The following CFAP299 variants were observed in gnomAD, a reference collection of about 807,000 sequenced individuals.
The protein encoded by CFAP299 is cilia and flagella associated protein 299, also known as cilia- and flagella-associated protein 299.
Under a neutral mutation model 27.0 loss-of-function variants are expected in CFAP299, and 21 were observed. The observed-to-expected ratio is 0.78, with a 90% CI of 0.55 to 1.12. CFAP299 has a LOEUF of 1.12. CFAP299 is among the 50% of genes most tolerant of loss of function. CFAP299 has a pLI of 0.00. For synonymous variants in CFAP299, 104 were observed against 98.1 expected, an observed-to-expected ratio of 1.06 and a Z score of -0.36; for missense variants, 310 against 276.6, an observed-to-expected ratio of 1.12 and a Z score of -0.86.
At chr4:80,601,996 C>T (rs774537563) in intron 3 of CFAP299, among the ~76,000 whole-genome samples, 12 of 152,140 alleles carry the variant, frequency 7.9e-5, no homozygotes, top group African/African-American at 1.7e-4. Context: ...CACTTATAAG[C>T]GGGAGCTAAA....
chr4:80,758,188 G>A (rs978079116), intron 3 of CFAP299, among the ~76,000 whole-genome samples: 7 of 152,288 alleles, frequency 4.6e-5, no homozygotes, highest in Non-Finnish European at 8.8e-5. Context: ...CAAATGAATC[G>A]AAGATGGTAA....
chr4:80,944,790 A>G lies in CFAP299; in HGVS notation c.477-20A>G. On this transcript the variant is annotated intron_variant, in intron 4 of 5. Transcript: ENST00000358105. ...AATGCATTATACATCTTAATTCCTA[A>G]TAAATGTTTATTTTTATAGCTTTTA... 6.4e-7 allele frequency: 1 copy of G among 1,558,632 alleles called. No homozygotes were observed. Among genetic ancestry groups the G allele is most frequent in the Non-Finnish European group, 8.7e-7 (1 of 1,143,648 alleles).
chr4:80,468,182 T>C (rs1409519949), intron 2 of CFAP299, among the ~76,000 whole-genome samples: 2 of 152,154 alleles, frequency 1.3e-5, no homozygotes, highest in Non-Finnish European at 2.9e-5. Flanking sequence ...TAAAGTAAGA[T>C]TGAGCAAAGA....
intron 2 of CFAP299, among the ~76,000 whole-genome samples, chr4:80,465,784 C>T (rs1183782566): frequency 6.6e-6 from 1 of 152,188 alleles, no homozygotes; most frequent in African/African-American, 2.4e-5. Flanking sequence ...TGGAGCTTGT[C>T]CTCAACATTT....
chr4:80,490,173 A>T (rs1408930125), intron 2 of CFAP299, among the ~76,000 whole-genome samples: 1 of 152,198 alleles, frequency 6.6e-6, no homozygotes, highest in African/African-American at 2.4e-5. Flanking sequence ...GTAAAACTCT[A>T]GTAAGCAAAA....
intron 3 of CFAP299, among the ~76,000 whole-genome samples, chr4:80,725,785 T>C (rs73829109): frequency 0.14 from 21,590 of 152,152 alleles, 2,412 homozygotes; most frequent in African/African-American, 0.31. Context: ...TGGCATCTGA[T>C]CCTCGTGCTT....
chr4:80,710,278 A>G (rs1027377450), intron 3 of CFAP299, among the ~76,000 whole-genome samples: 1 of 152,110 alleles, frequency 6.6e-6, no homozygotes, highest in African/African-American at 2.4e-5. Context: ...CAAGGAAAGC[A>G]ACATGCAGAA....
At chr4:80,941,548 A>G (rs1578255593) in intron 4 of CFAP299, among the ~76,000 whole-genome samples, 1 of 152,326 alleles carries the variant, frequency 6.6e-6, no homozygotes, top group East Asian at 1.9e-4. Flanking sequence ...TAGCTCAACT[A>G]TTTGTCCTTA....
At chr4:80,536,688 T>C (rs1268428557) in intron 2 of CFAP299, among the ~76,000 whole-genome samples, 1 of 152,094 alleles carries the variant, frequency 6.6e-6, no homozygotes, top group Non-Finnish European at 1.5e-5. Context: ...GACTGTCATC[T>C]CACATCATGT....
At chr4:80,798,210 G>T (rs1439280677) in intron 3 of CFAP299, among the ~76,000 whole-genome samples, 1 of 152,046 alleles carries the variant, frequency 6.6e-6, no homozygotes, top group East Asian at 1.9e-4. Context: ...CAGGGGTGTT[G>T]GGGGTGGCTC....
intron 3 of CFAP299, among the ~76,000 whole-genome samples, chr4:80,738,362 G>T (rs1275441310): frequency 3.3e-5 from 5 of 152,092 alleles, no homozygotes; most frequent in African/African-American, 1.2e-4. Context: ...ATTTGGGTCT[G>T]TGTCTCTCTT....
chr4:80,599,843 G>A (rs1480123866), intron 3 of CFAP299, among the ~76,000 whole-genome samples: 2 of 151,978 alleles, frequency 1.3e-5, no homozygotes, highest in Non-Finnish European at 2.9e-5. Context: ...TAAAGCATGC[G>A]ACCAAATCAT....
At chr4:80,678,661 C>A (rs565784021) in intron 3 of CFAP299, among the ~76,000 whole-genome samples, 7 of 152,154 alleles carry the variant, frequency 4.6e-5, no homozygotes, top group Admixed American at 2.0e-4. Context: ...AGTGTTCAAT[C>A]TAATACAATT....
At chr4:80,608,518 C>G in intron 3 of CFAP299, 2 of 533,578 alleles carry the variant, frequency 3.7e-6, no homozygotes, top group Non-Finnish European at 6.7e-6. Flanking sequence ...ATGACAGTCA[C>G]AAGTAGTGCT....
In CFAP299 at chr4:80,687,812, C is replaced by T. The variant is rs544000049; in HGVS notation, c.333+104629C>T. ...TCACTAGGGAGTGTCAGACAGTGGG[C>T]GCAGGTCAGTGGGTGCGCGCACCGT... is the stretch of plus-strand genomic sequence containing the variant. On this transcript the variant is annotated intron_variant, in intron 3 of 5. Coordinates refer to ENST00000358105, the MANE Select transcript of CFAP299 (RefSeq NM_152770.3). 5.3e-5 allele frequency among the ~76,000 whole-genome samples: 8 copies of T among 152,198 alleles called. No homozygotes were observed. The South Asian group carries it at 1.7e-3, about 32-fold the overall frequency.
intron 4 of CFAP299, among the ~76,000 whole-genome samples, chr4:80,922,055 A>G (rs1373251583): frequency 1.3e-5 from 2 of 152,098 alleles, no homozygotes; most frequent in Non-Finnish European, 2.9e-5. Context: ...TGTAGGCTAC[A>G]GTAGATAGAT....
At chr4:80,736,977 G>A (rs889574595) in intron 3 of CFAP299, among the ~76,000 whole-genome samples, 43 of 152,008 alleles carry the variant, frequency 2.8e-4, no homozygotes, top group Admixed American at 4.6e-4. Context: ...GGAATACTAC[G>A]CAGCCATAAA....
intron 2 of CFAP299, among the ~76,000 whole-genome samples, chr4:80,581,251 A>C: frequency 6.6e-6 from 1 of 151,514 alleles, no homozygotes; most frequent in Non-Finnish European, 1.5e-5. Context: ...CAACTGACAA[A>C]ATTACTTTTC....
intron 3 of CFAP299, 72 bp downstream of exon 3, chr4:80,583,255 T>A: frequency 1.2e-6 from 1 of 801,012 alleles, no homozygotes. Flanking sequence ...AATGTAACAT[T>A]AAATATCTTT....
Sources: gnomAD v4.1 joint callset for allele counts (sites outside exome capture counted in the v4.1 genomes callset) on GRCh38, gnomAD v4.1.1 for gene constraint, MANE v1.5 for transcripts, NCBI Gene and HGNC (gene_info 2026-07-23, HGNC 2026-07-21) for gene names.